Variants in BIRC6 observed in about 807,000 individuals in gnomAD.
BIRC6 encodes baculoviral IAP repeat containing 6.
A neutral mutation model predicts 503.3 loss-of-function variants in BIRC6; 98 were observed. The observed-to-expected ratio is 0.19, with a 90% CI of 0.17 to 0.23. BIRC6 has a LOEUF of 0.23. Among genes scored for constraint, BIRC6 ranks in the 10% least tolerant of loss-of-function variants. The probability of loss-of-function intolerance (pLI) is 1.00; values close to 1 mark genes in which losing one functional copy is unlikely to be tolerated. For synonymous variants in BIRC6, 2,240 were observed against 2,078.7 expected (o/e 1.08, Z -2.11); for missense variants, 5,360 against 5,806.0 (o/e 0.92, Z 2.50).
chr2:32,509,131 T>G (rs1196672422), intron 51 of BIRC6, among the ~76,000 whole-genome samples: 1 of 152,148 alleles, frequency 6.6e-6, no homozygotes, highest in Non-Finnish European at 1.5e-5. Flanking sequence ...TTTAGAAGTC[T>G]ATGATAGTAA....
intron 21 of BIRC6, 45 bp downstream of exon 21, chr2:32,445,713 T>C: frequency 7.4e-7 from 1 of 1,351,394 alleles, no homozygotes; most frequent in Non-Finnish European, 9.8e-7. Flanking sequence ...TCTCTGAGTA[T>C]GATCACGCTT....
At chr2:32,472,344 C>T (rs999725136) in intron 32 of BIRC6, among the ~76,000 whole-genome samples, 2 of 152,132 alleles carry the variant, frequency 1.3e-5, no homozygotes, top group Admixed American at 1.3e-4. Context: ...GCTGGGATTA[C>T]AGATGTGAGC....
intron 20 of BIRC6, 87 bp downstream of exon 20, chr2:32,443,675 T>TC: frequency 9.3e-7 from 1 of 1,077,224 alleles, no homozygotes; most frequent in Non-Finnish European, 1.3e-6. Flanking sequence ...AACTACTTTT[T>TC]CTCTATTAAA....
chr2:32,518,518 T>C, intron 56 of BIRC6, 121 bp downstream of exon 56: 2 of 1,034,524 alleles, frequency 1.9e-6, no homozygotes, highest in Non-Finnish European at 2.7e-6. Context: ...TAGCACAGCC[T>C]TTATACCTAA....
intron 3 of BIRC6, among the ~76,000 whole-genome samples, chr2:32,383,450 G>A (rs1435615914): frequency 1.3e-5 from 2 of 152,192 alleles, no homozygotes; most frequent in Non-Finnish European, 2.9e-5. Context: ...TCATCATTCA[G>A]CATCTCAACT....
At chr2:32,606,267 G>T (rs1431463924) in intron 71 of BIRC6, among the ~76,000 whole-genome samples, 1 of 152,096 alleles carries the variant, frequency 6.6e-6, no homozygotes, top group African/African-American at 2.4e-5. Context: ...TTTGGAAGTG[G>T]TCTTAGACCA....
At chr2:32,583,208 A>G (rs2060800857) in intron 66 of BIRC6, among the ~76,000 whole-genome samples, 1 of 152,194 alleles carries the variant, frequency 6.6e-6, no homozygotes, top group Non-Finnish European at 1.5e-5. Context: ...GGGGTGTTTA[A>G]TGGTGATTTA....
intron 72 of BIRC6, among the ~76,000 whole-genome samples, chr2:32,610,293 T>C (rs2062776892): frequency 6.6e-6 from 1 of 152,224 alleles, no homozygotes; most frequent in Admixed American, 6.5e-5. Context: ...ATAATTGTTT[T>C]CTAATTTAAA....
intron 66 of BIRC6, among the ~76,000 whole-genome samples, chr2:32,588,215 C>T (rs1394074454): frequency 2.6e-5 from 4 of 151,980 alleles, no homozygotes; most frequent in Admixed American, 6.6e-5. Flanking sequence ...TCTAGCCAGG[C>T]GTGGTGGTAG....
chr2:32,536,061 G>A (rs2057209370), intron 61 of BIRC6, among the ~76,000 whole-genome samples: 1 of 152,218 alleles, frequency 6.6e-6, no homozygotes, highest in South Asian at 2.1e-4. Flanking sequence ...GGCCAGTGAT[G>A]ATGAGCATTT....
intron 20 of BIRC6, among the ~76,000 whole-genome samples, chr2:32,443,867 T>C (rs931435803): frequency 1.3e-5 from 2 of 152,192 alleles, no homozygotes; most frequent in African/African-American, 4.8e-5. Flanking sequence ...GTTGTTTGGT[T>C]GTTTACTGAC....
At chr2:32,421,311 T>A (rs2042935803) in intron 10 of BIRC6, among the ~76,000 whole-genome samples, 1 of 151,980 alleles carries the variant, frequency 6.6e-6, no homozygotes, top group Non-Finnish European at 1.5e-5. Context: ...CTCACCACGT[T>A]GGCCAGGATG....
At chr2:32,594,530 A>G (rs907163707) in intron 67 of BIRC6, among the ~76,000 whole-genome samples, 2 of 152,188 alleles carry the variant, frequency 1.3e-5, no homozygotes, top group Non-Finnish European at 2.9e-5. Flanking sequence ...CCCCGTCTCT[A>G]CGAAATACAG....
chr2:32,580,947 G>A (rs1175595492), intron 66 of BIRC6, among the ~76,000 whole-genome samples: 1 of 152,186 alleles, frequency 6.6e-6, no homozygotes, highest in Non-Finnish European at 1.5e-5. Flanking sequence ...CTTCAATAGA[G>A]TACAAGTGCC....
intron 52 of BIRC6, 139 bp downstream of exon 52, chr2:32,510,133 T>A: frequency 9.4e-7 from 1 of 1,065,506 alleles, no homozygotes; most frequent in South Asian, 1.6e-5. Context: ...TCTTCTCTGA[T>A]GGAGTCTCAC....
At chr2:32,388,281 C>A (rs1170519197) in intron 3 of BIRC6, among the ~76,000 whole-genome samples, 1 of 151,042 alleles carries the variant, frequency 6.6e-6, no homozygotes, top group Non-Finnish European at 1.5e-5. Context: ...CTCAAGGAGG[C>A]TGAGGCAGGA....
In BIRC6 at chr2:32,470,294, G is replaced by A. The variant is rs868352127; in HGVS notation, c.6474G>A (p.Arg2158=). The change falls in exon 31 of 74, where the codon AGG becomes AGA. Residue 2158 remains arginine, a synonymous_variant. Transcript: ENST00000421745. ...PLQPQLPMHR[R]TEGVLDIPMI... ...AGCCACAGTTACCCATGCATAGGAGGACAGAAGGTATTAAGAGAAAGCAGT... is the reference window on the plus strand; with the variant it reads ...AGCCACAGTTACCCATGCATAGGAGAACAGAAGGTATTAAGAGAAAGCAGT... 27 of 1,566,128 alleles carry A rather than the reference G, an allele frequency of 1.7e-5. No homozygotes were observed. Among genetic ancestry groups the A allele is most frequent in the Non-Finnish European group, 2.2e-5 (26 of 1,156,126 alleles).
rs759730901 is a variant in BIRC6 at position 32,515,483 on chromosome 2, A to G, written c.11062A>G (p.Arg3688Gly). The change falls in exon 55 of 74, where the codon AGG (arginine) becomes GGG (glycine). Residue 3688 changes from arginine to glycine, a missense_variant. Around this residue, in one of 16 missense-constraint regions of BIRC6, gnomAD observed 878 missense variants for 928.9 expected, o/e 0.95. Transcript: ENST00000421745. ...ITADLVAPIL[R>G]FLTEVGNSHI... ...AGCCGACCTAGTTGCTCCTATTCTT[A>G]GGTTTTTGACAGAAGTTGGCAATAG... 2.5e-6 allele frequency: 4 copies of G among 1,613,722 alleles called. No individual in the cohort carries two copies. In the Admixed American group the frequency reaches 6.7e-5, roughly 27 times the overall value.
At chr2:32,429,835 A>G (rs1175448520) in intron 11 of BIRC6, among the ~76,000 whole-genome samples, 1 of 152,164 alleles carries the variant, frequency 6.6e-6, no homozygotes, top group Non-Finnish European at 1.5e-5. Flanking sequence ...CTGCTTCTCA[A>G]TCTCCAGTTA....
Sources: gnomAD v4.1 joint callset for allele counts (sites outside exome capture counted in the v4.1 genomes callset) on GRCh38, gnomAD v4.1.1 for gene constraint, gnomAD v4.1.1 regional missense constraint, MANE v1.5 for transcripts, NCBI Gene and HGNC (gene_info 2026-07-23, HGNC 2026-07-21) for gene names.